DAB2IP: variants seen among roughly 807,000 people sequenced by gnomAD.
The protein encoded by DAB2IP is DAB2 interacting protein, also known as disabled homolog 2-interacting protein.
Under a neutral mutation model 107.2 loss-of-function variants are expected in DAB2IP, and 28 were observed. The observed-to-expected ratio is 0.26, with a 90% confidence interval of 0.19 to 0.36. The LOEUF (loss-of-function observed/expected upper bound fraction) is 0.36, where lower values mean the gene tolerates loss of function less well. Among genes scored for constraint, DAB2IP ranks in the 10% least tolerant of loss-of-function variants. DAB2IP has a pLI of 1.00. For missense variants in DAB2IP, 1,400 were observed against 1,644.7 expected, an observed-to-expected ratio of 0.85 and a Z score of 2.57; for synonymous variants, 755 against 706.4, an observed-to-expected ratio of 1.07 and a Z score of -1.09.
chr9:121,586,485 C>T (rs1830316360), intron 1 of DAB2IP, among the ~76,000 whole-genome samples: 1 of 152,070 alleles, frequency 6.6e-6, no homozygotes, highest in South Asian at 2.1e-4. Context: ...AAAATGGGCC[C>T]CTTGCAGGGA....
intron 3 of DAB2IP, among the ~76,000 whole-genome samples, chr9:121,734,383 C>G (rs978691233): frequency 5.3e-5 from 3 of 56,912 alleles, no homozygotes; most frequent in African/African-American, 7.4e-5. Context: ...GACTCCGTCT[C>G]AAAAAAAAAA....
upstream of DAB2IP, among the ~76,000 whole-genome samples, chr9:121,647,793 G>A (rs535474561): frequency 3.0e-4 from 44 of 149,020 alleles, no homozygotes; most frequent in African/African-American, 8.9e-4. Context: ...ACATATATAC[G>A]TATATATACC....
intron 1 of DAB2IP, among the ~76,000 whole-genome samples, chr9:121,625,170 G>A (rs1831599862): frequency 6.6e-6 from 1 of 152,030 alleles, no homozygotes; most frequent in East Asian, 1.9e-4. Flanking sequence ...GCTCAGAGAG[G>A]TGAAGTCATT....
At position 121,591,527 on chromosome 9, in the gene DAB2IP, T is replaced by C. The variant is rs144769697; in HGVS notation, c.40+24299T>C. Among the ~76,000 whole-genome samples the C allele has an allele frequency of 2.9e-4, 44 of 152,220 alleles. No individual in the cohort carries two copies. The East Asian group carries it at 8.5e-3, about 29-fold the overall frequency. ...ATGGGTAGGACCTGACCACCCAGGA[T>C]CTTGGAGGCCACATGATGGCAACAA... On this transcript the variant is annotated intron_variant, in intron 1 of 16. Transcript: ENST00000259371.
chr9:121,602,818 G>A (rs1485158893), intron 1 of DAB2IP, among the ~76,000 whole-genome samples: 1 of 152,066 alleles, frequency 6.6e-6, no homozygotes, highest in African/African-American at 2.4e-5. Context: ...CTCGTGATCC[G>A]CCCACCTCGG....
chr9:121,737,405 G>A (rs1347910897), intron 3 of DAB2IP: 9 of 985,330 alleles, frequency 9.1e-6, no homozygotes, highest in Non-Finnish European at 1.1e-5. Context: ...ATTTCAGCTT[G>A]GAAGACACAG....
chr9:121,695,374 G>C (rs12005402), intron 2 of DAB2IP, among the ~76,000 whole-genome samples: 5,827 of 152,296 alleles, frequency 0.038, 357 homozygotes, highest in African/African-American at 0.13. Context: ...CTACTACTCT[G>C]TGTAGTTGCT....
intron 3 of DAB2IP, among the ~76,000 whole-genome samples, chr9:121,712,564 T>A (rs1472226065): frequency 7.9e-5 from 12 of 152,162 alleles, no homozygotes; most frequent in Admixed American, 7.9e-4. Flanking sequence ...TTGATGGTGT[T>A]TCATTGACGT....
In DAB2IP at chr9:121,770,553, T is replaced by C. The variant is rs771235377; in HGVS notation, c.1907T>C (p.Val636Ala). The C allele has an allele frequency of 7.5e-5, 121 of 1,613,794 alleles. 1 individual carries two copies. Among genetic ancestry groups the C allele is most frequent in the Admixed American group, 2.0e-4 (12 of 59,996 alleles). ...CTTGCTGTGCCTTTACAGAGCATAG[T>C]ATCCAAACTGGGACCCCTGCCTCGG... The change falls in exon 11 of 16, where the codon GTA becomes GCA. Residue 636 changes from valine (V) to alanine (A), a missense_variant. This residue lies in a region of DAB2IP where 517 missense variants were observed against 748.6 expected (regional missense o/e 0.69). Transcript: ENST00000408936.
intron 1 of DAB2IP, among the ~76,000 whole-genome samples, chr9:121,617,016 G>T (rs1402256407): frequency 2.6e-5 from 4 of 152,158 alleles, no homozygotes; most frequent in Non-Finnish European, 4.4e-5. Context: ...TGACTGGAGA[G>T]GTTTATCTGT....
intron 1 of DAB2IP, among the ~76,000 whole-genome samples, chr9:121,642,504 T>C (rs1244793763): frequency 3.6e-5 from 5 of 140,490 alleles, no homozygotes; most frequent in Non-Finnish European, 7.9e-5. Context: ...TTTTTTTTTT[T>C]TGTAGAGACA....
At chr9:121,761,793 G>A (rs543056838) in intron 6 of DAB2IP, among the ~76,000 whole-genome samples, 22 of 152,318 alleles carry the variant, frequency 1.4e-4, no homozygotes, top group African/African-American at 4.6e-4. Flanking sequence ...CACTGGGGAC[G>A]TATGCTGGGA....
In DAB2IP at chr9:121,715,747, A is replaced by G. The variant is rs1830569602; in HGVS notation, c.362+16289A>G. On this transcript the variant is annotated intron_variant, in intron 3 of 15. Transcript: ENST00000408936. ...TAAATAACACACTTCTCTCCCCATG[A>G]AATGGGTTGGTTTATTCCCTGCCTC... 2.6e-5 allele frequency among the ~76,000 whole-genome samples: 4 copies of G among 152,152 alleles called. No homozygotes were observed. The South Asian group carries it at 8.3e-4, about 32-fold the overall frequency.
At position 121,676,171 on chromosome 9, in the gene DAB2IP, C is replaced by G. The variant is rs572519495; in HGVS notation, c.125-2507C>G. Among the ~76,000 whole-genome samples, 37 of 152,340 alleles carry G rather than the reference C, an allele frequency of 2.4e-4. No individual in the cohort carries two copies. In the South Asian group the frequency reaches 7.2e-3, roughly 30 times the overall value. On this transcript the variant is annotated intron_variant, in intron 1 of 15. Transcript: ENST00000408936. ...CGGGCCTGAACCAGTCTCAGGACAG[C>G]TTTGCCTGCTTGGCCATGAGCCAAG...
chr9:121,611,827 CACCT>C (rs1831108017), intron 1 of DAB2IP, among the ~76,000 whole-genome samples: 1 of 151,826 alleles, frequency 6.6e-6, no homozygotes, highest in African/African-American at 2.4e-5. Context: ...TCAAGTGATC[CACCT>C]GCCTCGGCCT....
intron 9 of DAB2IP, among the ~76,000 whole-genome samples, chr9:121,767,616 A>G (rs904482345): frequency 6.6e-6 from 1 of 152,202 alleles, no homozygotes; most frequent in African/African-American, 2.4e-5. Context: ...TGAAGGCCAG[A>G]CAGGGCTGTG....
rs568442745 is a variant in DAB2IP at position 121,624,690 on chromosome 9, G to A, written c.41-53988G>A. On this transcript the variant is annotated intron_variant, in intron 1 of 16. Transcript: ENST00000259371. ...AGGCTACCCACCATCTAGCCTAGGC[G>A]TGCAGTAGGCTACACCATCTAGGTT... Among the ~76,000 whole-genome samples the A allele has an allele frequency of 3.9e-5, 6 of 152,156 alleles. No individual in the cohort carries two copies. In the South Asian group the frequency reaches 6.2e-4, roughly 16 times the overall value.
At chr9:121,589,729 G>A (rs566411254) in intron 1 of DAB2IP, among the ~76,000 whole-genome samples, 17 of 152,202 alleles carry the variant, frequency 1.1e-4, no homozygotes, top group Admixed American at 2.0e-4. Flanking sequence ...ATGGACAGCC[G>A]CCTCCCCAGA....
intron 1 of DAB2IP, among the ~76,000 whole-genome samples, chr9:121,612,851 A>G (rs995835466): frequency 2.6e-5 from 4 of 152,238 alleles, no homozygotes; most frequent in African/African-American, 9.6e-5. Flanking sequence ...GGTTTCTGCA[A>G]ACAGGATTGC....
Sources: allele counts gnomAD v4.1 joint callset (sites outside exome capture counted in the v4.1 genomes callset), GRCh38; gene constraint gnomAD v4.1.1; regional missense constraint gnomAD v4.1.1; transcripts MANE v1.5; gene names NCBI Gene and HGNC (gene_info 2026-07-23, HGNC 2026-07-21).